CCDC170: variants seen among roughly 807,000 people sequenced by gnomAD.
The protein encoded by CCDC170 is coiled-coil domain containing 170.
CCDC170 carries 69 observed loss-of-function variants against 72.6 expected under a neutral mutation model. The ratio of observed to expected loss-of-function variants is 0.95; its 90% CI spans 0.78 to 1.16. CCDC170 has a LOEUF of 1.16. Ranked by LOEUF, CCDC170 falls within the 50% of genes most tolerant of loss-of-function variation. The pLI, the probability that CCDC170 is intolerant of heterozygous loss-of-function variation, is 0.00. For missense variants in CCDC170, 852 were observed against 832.5 expected (o/e 1.02, Z -0.29); for synonymous variants, 300 against 303.9 (o/e 0.99, Z 0.13).
intron 1 of CCDC170, among the ~76,000 whole-genome samples, chr6:151,521,847 G>A (rs771589751): frequency 8.6e-5 from 13 of 152,036 alleles, no homozygotes; most frequent in African/African-American, 2.4e-4. Flanking sequence ...TTAGCTGGGC[G>A]TGGTGGCAGG....
intron 3 of CCDC170, among the ~76,000 whole-genome samples, chr6:151,543,435 T>C (rs994396137): frequency 7.1e-5 from 9 of 126,464 alleles, no homozygotes; most frequent in Non-Finnish European, 1.0e-4. Context: ...ATCTTGAATA[T>C]TTATCTTTTT....
chr6:151,598,236 G>A (rs574823075), intron 9 of CCDC170, among the ~76,000 whole-genome samples: 4 of 152,282 alleles, frequency 2.6e-5, no homozygotes, highest in East Asian at 3.9e-4. Flanking sequence ...CTGACCTTTA[G>A]TGGGGATTTG....
chr6:151,572,268 G>A (rs569689750), intron 5 of CCDC170, among the ~76,000 whole-genome samples: 92 of 152,178 alleles, frequency 6.0e-4, no homozygotes, highest in African/African-American at 2.0e-3. Context: ...TTCTTTCTGC[G>A]TTGTCTTTAT....
At chr6:151,614,630 T>G (rs1463412694) in intron 9 of CCDC170, among the ~76,000 whole-genome samples, 2 of 42,422 alleles carry the variant, frequency 4.7e-5, no homozygotes, top group East Asian at 5.2e-4. Context: ...AACTTTTGTA[T>G]TTTTTTTTTT....
intron 6 of CCDC170, among the ~76,000 whole-genome samples, chr6:151,582,316 T>C (rs1776389627): frequency 6.6e-6 from 1 of 152,232 alleles, no homozygotes; most frequent in South Asian, 2.1e-4. Context: ...TGTACTTTTA[T>C]GTTATGGAGA....
Position 151,540,373 on chromosome 6 carries a change from C to CTTTTTTTTTTTTTTTT in CCDC170, c.443+2086_443+2101dup, listed in dbSNP as rs779650559. ...CCTCCTCCTCCTTCTTCTGCTGCTG[C>CTTTTTTTTTTTTTTTT]TTTTTTTTTTTTTTTTTTTTTTTTT... On this transcript the variant is annotated intron_variant, in intron 3 of 10. Transcript: ENST00000239374. Among the ~76,000 whole-genome samples, 79 of 37,982 alleles carry CTTTTTTTTTTTTTTTT rather than the reference C, an allele frequency of 2.1e-3. 22 individuals are homozygous for CTTTTTTTTTTTTTTTT. The highest frequency in any genetic ancestry group is 2.9e-3 in the Non-Finnish European group (59 of 20,510). 24.9% of individuals were successfully genotyped at this position (37,982 alleles called of 152,430 possible). A position where few individuals can be genotyped will look rare whatever the true frequency, so the allele number is the denominator to read the frequency against.
At chr6:151,495,256 TTTTC>T (rs1441956143) in intron 1 of CCDC170, among the ~76,000 whole-genome samples, 2 of 152,216 alleles carry the variant, frequency 1.3e-5, no homozygotes, top group African/African-American at 4.8e-5. Context: ...TAAAACTATT[TTTTC>T]TTTCTTTCTA....
In CCDC170 at chr6:151,596,533, C is replaced by G. The variant is rs770432018; in HGVS notation, c.1666C>G (p.His556Asp). The change falls in exon 9 of 11, where the codon CAC (histidine) becomes GAC (aspartate). Residue 556 changes from histidine to aspartate, a missense_variant. His to Asp is a moderately conservative substitution (Grantham distance 81). Transcript: ENST00000239374. ...AGAGCTGAACACGTGTCGAGACTTG[C>G]ACACCGAGCTCAAAGCCAAACTGGC... ...QKELNTCRDL[H>D]TELKAKLADT... is the part of the protein sequence containing the mutation. 5 of 1,614,132 alleles carry G rather than the reference C, an allele frequency of 3.1e-6. No homozygotes were observed. Among genetic ancestry groups the G allele is most frequent in the Non-Finnish European group, 4.2e-6 (5 of 1,179,996 alleles).
chr6:151,576,079 A>T (rs984227404), intron 6 of CCDC170, among the ~76,000 whole-genome samples: 1 of 152,240 alleles, frequency 6.6e-6, no homozygotes, highest in Non-Finnish European at 1.5e-5. Flanking sequence ...TTTCAACTTG[A>T]CGATGGTGTG....
intron 1 of CCDC170, among the ~76,000 whole-genome samples, chr6:151,496,746 C>T (rs375692717): frequency 2.2e-4 from 34 of 152,324 alleles, no homozygotes; most frequent in African/African-American, 7.9e-4. Flanking sequence ...AAACTAGATT[C>T]AAACAATCCT....
intron 5 of CCDC170, 40 bp from the exon 6 acceptor site, chr6:151,573,134 C>T: frequency 6.4e-7 from 1 of 1,561,198 alleles, no homozygotes; most frequent in Non-Finnish European, 8.7e-7. Flanking sequence ...ACCCTGTTGA[C>T]TTCTAATGGT....
chr6:151,600,453 C>A (rs1776688894), intron 9 of CCDC170, among the ~76,000 whole-genome samples: 1 of 152,182 alleles, frequency 6.6e-6, no homozygotes, highest in Admixed American at 6.5e-5. Flanking sequence ...GTGACCTCCC[C>A]CTGTGTGTCT....
At chr6:151,529,437 T>A (rs572425878) in intron 1 of CCDC170, among the ~76,000 whole-genome samples, 1 of 152,088 alleles carries the variant, frequency 6.6e-6, no homozygotes, top group Non-Finnish European at 1.5e-5. Context: ...GGTGGGAGGA[T>A]CACGAGGTCA....
At chr6:151,519,768 T>C (rs1473230746) in intron 1 of CCDC170, among the ~76,000 whole-genome samples, 1 of 152,166 alleles carries the variant, frequency 6.6e-6, no homozygotes, top group African/African-American at 2.4e-5. Flanking sequence ...TTTGTCTTCT[T>C]TTTAGACCAT....
At chr6:151,596,605 G>C in intron 9 of CCDC170, 28 bp downstream of exon 9, 1 of 1,609,828 alleles carries the variant, frequency 6.2e-7, no homozygotes, top group East Asian at 2.2e-5. Context: ...TTTTGTTGTT[G>C]CTTTTTGCTG....
intron 8 of CCDC170, among the ~76,000 whole-genome samples, chr6:151,595,031 T>G (rs1350139949): frequency 6.6e-6 from 1 of 152,180 alleles, no homozygotes; most frequent in Non-Finnish European, 1.5e-5. Flanking sequence ...TCAAAAATGA[T>G]CTGGGTATGG....
chr6:151,510,618 T>C (rs1052166962), intron 1 of CCDC170, among the ~76,000 whole-genome samples: 6 of 152,134 alleles, frequency 3.9e-5, no homozygotes, highest in Non-Finnish European at 7.3e-5. Context: ...GTTAAGGAAA[T>C]AATTGCAAAC....
At chr6:151,509,026 A>T (rs1164993385) in intron 1 of CCDC170, among the ~76,000 whole-genome samples, 1 of 151,880 alleles carries the variant, frequency 6.6e-6, no homozygotes, top group Non-Finnish European at 1.5e-5. Flanking sequence ...AAAAAAAAAA[A>T]AAAAAAATAC....
At chr6:151,494,510 A>G (rs1781880997) in intron 1 of CCDC170, among the ~76,000 whole-genome samples, 1 of 152,212 alleles carries the variant, frequency 6.6e-6, no homozygotes, top group African/African-American at 2.4e-5. Context: ...TCCTTCATTT[A>G]ACTTTCCCTG....
Sources: allele counts gnomAD v4.1 joint callset (sites outside exome capture counted in the v4.1 genomes callset), GRCh38; gene constraint gnomAD v4.1.1; transcripts MANE v1.5; gene names NCBI Gene and HGNC (gene_info 2026-07-23, HGNC 2026-07-21).